LUZP2: variants seen among roughly 807,000 people sequenced by gnomAD.
LUZP2 encodes leucine zipper protein 2.
In LUZP2, 52 loss-of-function variants were observed where a neutral mutation model predicts 51.6. The ratio of observed to expected loss-of-function variants is 1.01; its 90% confidence interval spans 0.81 to 1.27. The LOEUF is 1.27. Among genes scored for constraint, LUZP2 ranks in the 50% most tolerant of loss-of-function variants. LUZP2 has a pLI of 0.00. For missense variants in LUZP2, 436 were observed against 395.4 expected (o/e 1.10, Z -0.87); for synonymous variants, 154 against 137.3 (o/e 1.12, Z -0.85).
At chr11:24,729,414 C>G (rs758773272) in intron 2 of LUZP2, 128 bp downstream of exon 2, 1 of 495,400 alleles carries the variant, frequency 2.0e-6, no homozygotes, top group African/African-American at 2.0e-5. Context: ...TTGTTACTTA[C>G]TATTATATGT....
chr11:24,690,872 T>C (rs1565079138), intron 1 of LUZP2, among the ~76,000 whole-genome samples: 1 of 152,040 alleles, frequency 6.6e-6, no homozygotes, highest in African/African-American at 2.4e-5. Context: ...TTTTGAAAGA[T>C]ACAGAACCAG....
At chr11:24,519,838 G>A (rs1156381550) in intron 1 of LUZP2, among the ~76,000 whole-genome samples, 1 of 152,032 alleles carries the variant, frequency 6.6e-6, no homozygotes, top group Non-Finnish European at 1.5e-5. Context: ...ATTAATTTGT[G>A]ATTGCACATA....
At chr11:24,552,619 TA>T (rs1851753513) in intron 1 of LUZP2, among the ~76,000 whole-genome samples, 1 of 151,974 alleles carries the variant, frequency 6.6e-6, no homozygotes, top group Non-Finnish European at 1.5e-5. Context: ...AGTTGATAGA[TA>T]CAAGATCAGC....
intron 9 of LUZP2, among the ~76,000 whole-genome samples, chr11:25,011,534 G>T (rs902983984): frequency 2.0e-5 from 3 of 152,028 alleles, no homozygotes; most frequent in African/African-American, 4.8e-5. Flanking sequence ...CGAACATAAG[G>T]TTCAGGCCAT....
chr11:24,737,518 A>C (rs1858988380), intron 3 of LUZP2, among the ~76,000 whole-genome samples: 1 of 142,688 alleles, frequency 7.0e-6, no homozygotes. Context: ...AAATCAAGGC[A>C]CAGAAAGATA....
chr11:24,587,614 A>C (rs1424701095), intron 1 of LUZP2, among the ~76,000 whole-genome samples: 1 of 152,076 alleles, frequency 6.6e-6, no homozygotes, highest in Non-Finnish European at 1.5e-5. Flanking sequence ...GGTTACTGGA[A>C]ATTTTTTAGA....
intron 1 of LUZP2, among the ~76,000 whole-genome samples, chr11:24,560,701 G>A (rs1852012197): frequency 6.6e-6 from 1 of 152,258 alleles, no homozygotes; most frequent in East Asian, 1.9e-4. Flanking sequence ...ATAATTAAAA[G>A]CTCTCCTATG....
chr11:24,562,986 G>T lies in LUZP2; in HGVS notation c.62+65681G>T, dbSNP rs952649719. On this transcript the variant is annotated intron_variant, in intron 1 of 11. Transcript: ENST00000336930. ...AAGCAACTAGGCTTCTTGCATTTCT[G>T]CAAACTACTTGCAAAAATGGCTTGA... Among the ~76,000 whole-genome samples, 6 of 152,288 alleles carry T rather than the reference G, an allele frequency of 3.9e-5. No individual in the cohort carries two copies. In the South Asian group the frequency reaches 1.2e-3, roughly 32 times the overall value.
chr11:25,052,955 C>T (rs7120529), intron 10 of LUZP2, among the ~76,000 whole-genome samples: 4,001 of 152,034 alleles, frequency 0.026, 184 homozygotes, highest in African/African-American at 0.092. Context: ...TTTTAATGTC[C>T]TTAATAAAAT....
At chr11:24,786,062 G>A in intron 5 of LUZP2, 1 of 985,186 alleles carries the variant, frequency 1.0e-6, no homozygotes, top group Non-Finnish European at 1.2e-6. Context: ...TTGCTGGTGG[G>A]CACATTTTTC....
intron 3 of LUZP2, among the ~76,000 whole-genome samples, chr11:24,737,169 T>C (rs760927205): frequency 9.9e-5 from 15 of 152,226 alleles, no homozygotes; most frequent in East Asian, 3.9e-4. Context: ...AATTCTTTCA[T>C]AGGCATTGTG....
intron 7 of LUZP2, among the ~76,000 whole-genome samples, chr11:24,937,410 A>C (rs1204946595): frequency 6.6e-6 from 1 of 152,222 alleles, no homozygotes; most frequent in African/African-American, 2.4e-5. Context: ...AATGAGATGA[A>C]AAAAACACAC....
intron 9 of LUZP2, among the ~76,000 whole-genome samples, chr11:24,993,926 A>T (rs34362784): frequency 0.4 from 60,264 of 151,948 alleles, 14,401 homozygotes; most frequent in East Asian, 0.78. Flanking sequence ...AGTGGTGCAA[A>T]CTTGGCTCAC....
chr11:24,669,915 T>C (rs1590325062), intron 1 of LUZP2, among the ~76,000 whole-genome samples: 7 of 152,154 alleles, frequency 4.6e-5, no homozygotes, highest in Admixed American at 3.9e-4. Flanking sequence ...GCTATGAACA[T>C]GTCACTTCAA....
chr11:25,000,882 G>T (rs1856665036), intron 9 of LUZP2, among the ~76,000 whole-genome samples: 2 of 151,374 alleles, frequency 1.3e-5, no homozygotes, highest in Non-Finnish European at 2.9e-5. Context: ...AATAGATTTT[G>T]TTATTTCTTG....
intron 4 of LUZP2, among the ~76,000 whole-genome samples, chr11:24,752,994 A>C (rs538787584): frequency 1.3e-5 from 2 of 152,244 alleles, no homozygotes; most frequent in South Asian, 4.1e-4. Context: ...TAAAGAAAAG[A>C]ATTGGCAACA....
chr11:24,913,664 T>G (rs1349890988), intron 6 of LUZP2, among the ~76,000 whole-genome samples: 6 of 122,996 alleles, frequency 4.9e-5, no homozygotes, highest in African/African-American at 1.8e-4. Flanking sequence ...TGCTAATCTA[T>G]TTATTTGTGT....
At chr11:24,923,244 A>G (rs1284212809) in intron 7 of LUZP2, among the ~76,000 whole-genome samples, 1 of 152,086 alleles carries the variant, frequency 6.6e-6, no homozygotes, top group Non-Finnish European at 1.5e-5. Flanking sequence ...TTTACAGATT[A>G]TATCTTTTAG....
At chr11:24,920,579 G>A (rs1048833553) in intron 7 of LUZP2, among the ~76,000 whole-genome samples, 1 of 151,922 alleles carries the variant, frequency 6.6e-6, no homozygotes, top group Non-Finnish European at 1.5e-5. Context: ...TGTGGCATAT[G>A]TACACATATG....
Sources: allele counts gnomAD v4.1 joint callset (sites outside exome capture counted in the v4.1 genomes callset), GRCh38; gene constraint gnomAD v4.1.1; transcripts MANE v1.5; gene names NCBI Gene and HGNC (gene_info 2026-07-23, HGNC 2026-07-21).